THSD7B: variants seen among roughly 807,000 people sequenced by gnomAD.
THSD7B encodes the protein thrombospondin type 1 domain containing 7B.
A neutral mutation model predicts 213.6 loss-of-function variants in THSD7B; 138 were observed. The observed-to-expected ratio is 0.65, with a 90% CI of 0.56 to 0.74. The LOEUF is 0.74. Ranked by LOEUF, THSD7B falls within the 30% of genes least tolerant of loss-of-function variation. The probability of loss-of-function intolerance (pLI) is 0.00; values close to 1 mark genes in which losing one functional copy is unlikely to be tolerated. For synonymous variants in THSD7B, 742 were observed against 687.0 expected (o/e 1.08, Z -1.25); for missense variants, 1,931 against 1,991.5 (o/e 0.97, Z 0.58).
intron 7 of THSD7B, among the ~76,000 whole-genome samples, chr2:137,230,139 C>A (rs1430329786): frequency 6.6e-6 from 1 of 152,152 alleles, no homozygotes; most frequent in Non-Finnish European, 1.5e-5. Context: ...TATTTGAATT[C>A]TACTAATAGG....
At chr2:137,050,006 G>T (rs555813187) in intron 2 of THSD7B, among the ~76,000 whole-genome samples, 49 of 152,254 alleles carry the variant, frequency 3.2e-4, no homozygotes, top group African/African-American at 1.2e-3. Context: ...AAATAAAATT[G>T]TCAGCCCCAT....
intron 2 of THSD7B, among the ~76,000 whole-genome samples, chr2:137,022,375 A>G (rs1439536652): frequency 6.6e-6 from 1 of 152,144 alleles, no homozygotes; most frequent in Non-Finnish European, 1.5e-5. Context: ...TTATTTCATC[A>G]TTCTGATAGA....
intron 12 of THSD7B, among the ~76,000 whole-genome samples, chr2:137,276,895 A>G (rs568513810): frequency 6.6e-6 from 1 of 152,190 alleles, no homozygotes; most frequent in South Asian, 2.1e-4. Flanking sequence ...AAATTTACAG[A>G]TGAAATTTTA....
intron 1 of THSD7B, among the ~76,000 whole-genome samples, chr2:136,780,520 A>C (rs16836625): frequency 0.036 from 5,413 of 152,174 alleles, 309 homozygotes; most frequent in African/African-American, 0.12. Flanking sequence ...ATCTCGTTGA[A>C]TTTGATTTCC....
intron 17 of THSD7B, among the ~76,000 whole-genome samples, chr2:137,592,048 T>C (rs1382050192): frequency 6.6e-6 from 1 of 151,790 alleles, no homozygotes; most frequent in East Asian, 1.9e-4. Flanking sequence ...TGTTGTATTA[T>C]GCTATAAAAA....
At chr2:136,837,001 C>A (rs1682853800) in intron 1 of THSD7B, among the ~76,000 whole-genome samples, 3 of 152,206 alleles carry the variant, frequency 2.0e-5, no homozygotes, top group Non-Finnish European at 1.5e-5. Flanking sequence ...GTCAGCTATA[C>A]TTTCAAAATA....
intron 10 of THSD7B, among the ~76,000 whole-genome samples, chr2:137,269,215 T>G (rs1682677243): frequency 6.6e-6 from 1 of 152,228 alleles, no homozygotes; most frequent in Admixed American, 6.5e-5. Flanking sequence ...AATCTTACTT[T>G]GATACTAAAT....
intron 12 of THSD7B, among the ~76,000 whole-genome samples, chr2:137,345,268 C>T (rs1199005440): frequency 6.6e-6 from 1 of 151,560 alleles, no homozygotes; most frequent in Non-Finnish European, 1.5e-5. Context: ...AGAGGTTAAT[C>T]GAGGAAGTAC....
intron 14 of THSD7B, among the ~76,000 whole-genome samples, chr2:137,430,745 C>G (rs1687161263): frequency 6.6e-6 from 1 of 152,138 alleles, no homozygotes; most frequent in African/African-American, 2.4e-5. Flanking sequence ...TGAATAAAAT[C>G]AAAGGTAGAG....
At chr2:136,875,877 T>C (rs1299220496) in intron 1 of THSD7B, among the ~76,000 whole-genome samples, 1 of 152,252 alleles carries the variant, frequency 6.6e-6, no homozygotes, top group Non-Finnish European at 1.5e-5. Context: ...CATCTTTCCA[T>C]ATGACTCCTT....
rs1235744133 is a variant in THSD7B at position 137,575,742 on chromosome 2, A to ATATATATATATATATT, written c.3423+3187_3423+3188insATATATATATATATTT. 2.1e-3 allele frequency among the ~76,000 whole-genome samples: 311 copies of ATATATATATATATATT among 147,394 alleles called. 4 individuals are homozygous for ATATATATATATATATT. Among genetic ancestry groups the ATATATATATATATATT allele is most frequent in the South Asian group, 0.018 (79 of 4,442 alleles). Reference sequence around the variant, plus strand: ...ATAACACACATATATATATATATATATTTTTACTTTAACATGCTTACTTTT... The same window carrying ATATATATATATATATT: ...ATAACACACATATATATATATATATATATATATATATATATTTTTTTACTTTAACATGCTTACTTTT... On this transcript the variant is annotated intron_variant, in intron 17 of 27. Coordinates refer to ENST00000409968, the MANE Select transcript of THSD7B (RefSeq NM_001316349.2).
intron 2 of THSD7B, among the ~76,000 whole-genome samples, chr2:136,892,678 G>T (rs1338780552): frequency 6.6e-6 from 1 of 151,900 alleles, no homozygotes; most frequent in African/African-American, 2.4e-5. Flanking sequence ...CTGTTTTCCT[G>T]CAGAGATTAA....
intron 2 of THSD7B, among the ~76,000 whole-genome samples, chr2:136,957,060 A>C (rs1685139096): frequency 6.6e-6 from 1 of 152,086 alleles, no homozygotes; most frequent in African/African-American, 2.4e-5. Context: ...CACTGGTGAC[A>C]GTGGCTCAAA....
intron 15 of THSD7B, among the ~76,000 whole-genome samples, chr2:137,462,465 C>T (rs905025412): frequency 3.3e-5 from 5 of 152,086 alleles, no homozygotes; most frequent in African/African-American, 1.2e-4. Context: ...TTCACCAATG[C>T]ATAGCCAATC....
At chr2:137,286,178 G>A (rs1683174397) in intron 12 of THSD7B, among the ~76,000 whole-genome samples, 1 of 151,780 alleles carries the variant, frequency 6.6e-6, no homozygotes, top group African/African-American at 2.4e-5. Context: ...ACAAAGGCAA[G>A]TAAGTTGATT....
At chr2:137,561,289 T>A (rs985388972) in intron 15 of THSD7B, among the ~76,000 whole-genome samples, 5 of 152,156 alleles carry the variant, frequency 3.3e-5, no homozygotes, top group Admixed American at 6.6e-5. Flanking sequence ...CAGTTTTTCA[T>A]TTTTAGTTTG....
Position 137,676,393 on chromosome 2 carries a change from C to A in THSD7B, c.4740-131C>A. 4 of 763,168 alleles carry A rather than the reference C, an allele frequency of 5.2e-6. No individual in the cohort carries two copies. The South Asian group carries it at 5.8e-5, about 11-fold the overall frequency. The allele number at this position is 763,168 out of a possible 1,614,324, so 47.3% of individuals were successfully genotyped here. A position where few individuals can be genotyped will look rare whatever the true frequency, so the allele number is the denominator to read the frequency against. On this transcript the variant is annotated intron_variant, in intron 27 of 27. Transcript: ENST00000409968. ...AGCATTCAATATTCACAAAAGGGAA[C>A]CCACACATCTAGAGAAATGAATCTT... is the stretch of plus-strand genomic sequence containing the variant.
chr2:136,985,732 GCT>G (rs1425568118), intron 2 of THSD7B, among the ~76,000 whole-genome samples: 2 of 152,208 alleles, frequency 1.3e-5, no homozygotes, highest in Non-Finnish European at 2.9e-5. Flanking sequence ...AAAGGCCATC[GCT>G]CTCCAGACCT....
intron 7 of THSD7B, among the ~76,000 whole-genome samples, chr2:137,189,389 A>C (rs145165875): frequency 2.2e-4 from 34 of 152,270 alleles, no homozygotes; most frequent in African/African-American, 2.2e-4. Context: ...CATCCCCAGC[A>C]CTGAGCCTTT....
Sources: allele counts gnomAD v4.1 joint callset (sites outside exome capture counted in the v4.1 genomes callset), GRCh38; gene constraint gnomAD v4.1.1; transcripts MANE v1.5; gene names NCBI Gene and HGNC (gene_info 2026-07-23, HGNC 2026-07-21).